Variants in NRP1 observed in about 807,000 individuals in gnomAD.
NRP1 encodes the protein neuropilin-1.
NRP1 carries 35 observed loss-of-function variants against 106.7 expected under a neutral mutation model. The ratio of observed to expected loss-of-function variants is 0.33; its 90% confidence interval spans 0.25 to 0.43. NRP1 has a LOEUF of 0.43. NRP1 is among the 20% of genes least tolerant of loss of function. The pLI, the probability that NRP1 is intolerant of heterozygous loss-of-function variation, is 1.00. For synonymous variants in NRP1, 437 were observed against 417.9 expected (o/e 1.05, Z -0.56); for missense variants, 1,024 against 1,170.4 (o/e 0.87, Z 1.83).
rs911657906 is a variant in NRP1 at position 33,178,303 on chromosome 10, A to C, written c.*1773T>G. ...GATAAAAATCCACCAAAACCAACCA[A>C]AGCTTCTTTGGGTTAATTCATAGGC... is the stretch of plus-strand genomic sequence containing the variant. On this transcript the variant is annotated 3_prime_UTR_variant, in exon 17 of 17. Coordinates refer to ENST00000374867, the MANE Select transcript of NRP1 (RefSeq NM_003873.7). The C allele has an allele frequency of 6.6e-6, 1 of 152,134 alleles. No individual in the cohort carries two copies. The highest frequency in any genetic ancestry group is 2.4e-5 in the African/African-American group (1 of 41,438). The allele number at this position is 152,134 out of a possible 1,614,324, so 9.4% of individuals were successfully genotyped here.
chr10:33,199,896 T>C (rs918659252), intron 11 of NRP1, among the ~76,000 whole-genome samples: 6 of 152,150 alleles, frequency 3.9e-5, no homozygotes, highest in African/African-American at 1.2e-4. Flanking sequence ...TACATATCCA[T>C]AGCATGAATC....
chr10:33,276,024 G>A (rs1843667100), intron 2 of NRP1, among the ~76,000 whole-genome samples: 1 of 152,094 alleles, frequency 6.6e-6, no homozygotes, highest in Admixed American at 6.5e-5. Flanking sequence ...TATATACAGT[G>A]TATTCTCAAC....
At chr10:33,273,261 G>A (rs1843444797) in intron 2 of NRP1, among the ~76,000 whole-genome samples, 1 of 152,136 alleles carries the variant, frequency 6.6e-6, no homozygotes, top group East Asian at 1.9e-4. Context: ...CTATCCAACA[G>A]GGCCCCAAAT....
At chr10:33,201,311 C>G (rs1381561384) in intron 11 of NRP1, 2 of 152,162 alleles carry the variant, frequency 1.3e-5, no homozygotes, top group South Asian at 2.1e-4. Context: ...AGGAGTAAAT[C>G]TGAGGCTTTG....
At chr10:33,201,613 CATTA>C (rs935949305) in intron 11 of NRP1, 6 of 152,102 alleles carry the variant, frequency 3.9e-5, no homozygotes, top group African/African-American at 1.4e-4. Context: ...AATGTCTCTG[CATTA>C]ATTAATCTAA....
At position 33,228,771 on chromosome 10, in the gene NRP1, A is replaced by G. The variant is rs559276139; in HGVS notation, c.982-2482T>C. ...ATTTCATTTCCCTGGTTTTAAAGAT[A>G]TAAACTCTAGGCTCTGTGTGCTTTC... On this transcript the variant is annotated intron_variant, in intron 6 of 16. Transcript: ENST00000374867. 2.6e-5 allele frequency among the ~76,000 whole-genome samples: 4 copies of G among 152,376 alleles called. No individual in the cohort carries two copies. The East Asian group carries it at 7.7e-4, about 29-fold the overall frequency.
intron 10 of NRP1, among the ~76,000 whole-genome samples, chr10:33,204,005 A>C (rs1428227520): frequency 6.6e-6 from 1 of 152,080 alleles, no homozygotes; most frequent in Non-Finnish European, 1.5e-5. Context: ...CTCCCAACAA[A>C]GACTGCTTTT....
At chr10:33,220,426 AGTGG>A (rs1332357737) in intron 8 of NRP1, among the ~76,000 whole-genome samples, 1 of 152,224 alleles carries the variant, frequency 6.6e-6, no homozygotes, top group Non-Finnish European at 1.5e-5. Flanking sequence ...CTTTTTAGTG[AGTGG>A]GTCAACTGAT....
chr10:33,334,426 CGTG>C lies in NRP1; in HGVS notation c.-47_-45del. The C allele has an allele frequency of 6.6e-7, 1 of 1,503,776 alleles. No homozygotes were observed. The allele number at this position is 1,503,776 out of a possible 1,614,324, so 93.2% of individuals were successfully genotyped here. ...GCAGGCAGACGCGGGAGAACGAGGA[CGTG>C]GGGGGAAATGCAGCAAAGAGGAGAA... On this transcript the variant is annotated 5_prime_UTR_variant, in exon 1 of 17. Coordinates refer to ENST00000374867, the MANE Select transcript of NRP1 (RefSeq NM_003873.7).
Position 33,226,209 on chromosome 10 carries a change from A to G in NRP1, c.1062T>C (p.Tyr354=), listed in dbSNP as rs746484582. 1.7e-5 allele frequency: 27 copies of G among 1,614,084 alleles called. No homozygotes were observed. The highest frequency in any genetic ancestry group is 2.3e-5 in the Non-Finnish European group (27 of 1,180,044). The change falls in exon 7 of 17, where the codon TAT becomes TAC. Residue 354 remains tyrosine, a synonymous_variant. Coordinates refer to ENST00000374867, the MANE Select transcript of NRP1 (RefSeq NM_003873.7). Reference sequence around the variant, plus strand: ...TAACGTCGATCTTGTAAGTCTTGACATAATATTTCTTCTTGGTTTCTTTTG... The same window carrying G: ...TAACGTCGATCTTGTAAGTCTTGACGTAATATTTCTTCTTGGTTTCTTTTG... ...AISKETKKKY[Y]VKTYKIDVSS...
chr10:33,306,575 T>C (rs1846185555), intron 2 of NRP1, among the ~76,000 whole-genome samples: 2 of 151,306 alleles, frequency 1.3e-5, no homozygotes, highest in Admixed American at 1.3e-4. Flanking sequence ...CCTTGACAGA[T>C]AACTGCTAAT....
intron 6 of NRP1, among the ~76,000 whole-genome samples, chr10:33,240,828 C>A (rs1840954684): frequency 1.3e-5 from 2 of 152,174 alleles, no homozygotes; most frequent in Non-Finnish European, 2.9e-5. Context: ...AAAGAACAGG[C>A]TGCCTAGGTA....
At chr10:33,197,806 T>C in intron 11 of NRP1, 97 bp from the exon 12 acceptor site, 3 of 603,600 alleles carry the variant, frequency 5.0e-6, no homozygotes, top group Non-Finnish European at 8.6e-6. Flanking sequence ...GAGGCAAATA[T>C]TTTCCATAGA....
In NRP1 at chr10:33,221,729, G is replaced by A. The variant is rs1280262067; in HGVS notation, c.1272C>T (p.Cys424=). 1 of 1,613,520 alleles carries A rather than the reference G, an allele frequency of 6.2e-7. No individual in the cohort carries two copies. Among genetic ancestry groups the A allele is most frequent in the Non-Finnish European group, 8.5e-7 (1 of 1,179,594 alleles). The change falls in exon 8 of 17, where the codon TGC becomes TGT. Residue 424 remains cysteine, a synonymous_variant. Transcript: ENST00000374867. The part of the protein sequence containing the change: ...GISMRFEVYG[C]KITDYPCSGM... ...TCTTCCACAGCTTACCTGTTATCTT[G>A]CAACCGTATACTTCAAATCTCATAG...
chr10:33,325,099 T>C (rs1273078270), intron 2 of NRP1, among the ~76,000 whole-genome samples: 5 of 152,206 alleles, frequency 3.3e-5, no homozygotes, highest in African/African-American at 1.2e-4. Context: ...TCTAGATTGG[T>C]TTTGTGGATG....
intron 5 of NRP1, among the ~76,000 whole-genome samples, chr10:33,255,972 G>A (rs572909063): frequency 6.6e-6 from 1 of 152,312 alleles, no homozygotes; most frequent in South Asian, 2.1e-4. Context: ...ATCTGGGATA[G>A]ATGCCTGTCC....
rs1452622040 is a variant in NRP1, at chr10:33,192,262, GA to G, written c.2062+18del. 1.2e-6 allele frequency: 2 copies of G among 1,605,292 alleles called. No homozygotes were observed. Among genetic ancestry groups the G allele is most frequent in the African/African-American group, 2.7e-5 (2 of 74,566 alleles). On this transcript the variant is annotated intron_variant, in intron 13 of 16. Coordinates refer to ENST00000374867, the MANE Select transcript of NRP1 (RefSeq NM_003873.7). ...AGAGAATCTGCAAAGCCATGCAGCC[GA>G]AGTGAACTCTGTGATACCTGTGTGA... is the stretch of plus-strand genomic sequence containing the variant.
chr10:33,220,513 A>G (rs183933197), intron 8 of NRP1, among the ~76,000 whole-genome samples: 66 of 152,214 alleles, frequency 4.3e-4, no homozygotes, highest in Non-Finnish European at 6.5e-4. Flanking sequence ...GGTTGTTTCA[A>G]TGAAAGTTTG....
chr10:33,286,191 C>T (rs1258559445), intron 2 of NRP1, among the ~76,000 whole-genome samples: 1 of 152,122 alleles, frequency 6.6e-6, no homozygotes, highest in Admixed American at 6.5e-5. Flanking sequence ...GAAACAGGCC[C>T]AAACACAGAT....
Sources: allele counts gnomAD v4.1 joint callset (sites outside exome capture counted in the v4.1 genomes callset), GRCh38; gene constraint gnomAD v4.1.1; transcripts MANE v1.5; gene names NCBI Gene and HGNC (gene_info 2026-07-23, HGNC 2026-07-21).